The following HERC6 variants were observed in gnomAD, a reference collection of about 807,000 sequenced individuals.
The protein encoded by HERC6 is probable E3 ubiquitin-protein ligase HERC6.
Under a neutral mutation model 114.5 loss-of-function variants are expected in HERC6, and 101 were observed. That is an observed-to-expected ratio of 0.88 (90% confidence interval 0.75 to 1.04). The LOEUF (loss-of-function observed/expected upper bound fraction) is 1.04. Among genes scored for constraint, HERC6 ranks in the 50% least tolerant of loss-of-function variants. HERC6 has a pLI of 0.00. For missense variants in HERC6, 1,133 were observed against 1,230.9 expected (o/e 0.92, Z 1.19); for synonymous variants, 408 against 436.2 (o/e 0.94, Z 0.81).
At chr4:88,418,619 A>T (rs2148924571) in intron 13 of HERC6, among the ~76,000 whole-genome samples, 1 of 152,334 alleles carries the variant, frequency 6.6e-6, no homozygotes, top group East Asian at 1.9e-4. Flanking sequence ...TCAGCTGGGC[A>T]CCGTGGCCTT....
intron 12 of HERC6, among the ~76,000 whole-genome samples, chr4:88,415,067 T>G (rs1736360644): frequency 6.6e-6 from 1 of 152,174 alleles, no homozygotes; most frequent in Non-Finnish European, 1.5e-5. Flanking sequence ...TACAATGAAA[T>G]GTAAGCCACC....
intron 3 of HERC6, among the ~76,000 whole-genome samples, chr4:88,387,191 G>A (rs989257144): frequency 4.6e-5 from 7 of 152,186 alleles, no homozygotes; most frequent in African/African-American, 1.7e-4. Flanking sequence ...GAGGCCAGGA[G>A]TTTGAGACCA....
chr4:88,386,199 CTTTTTTT>C (rs1262540915), intron 3 of HERC6, among the ~76,000 whole-genome samples: 1 of 131,940 alleles, frequency 7.6e-6, no homozygotes, highest in Non-Finnish European at 1.6e-5. Flanking sequence ...TTTTTCTTTT[CTTTTTTT>C]TTTTTTTTTT....
intron 17 of HERC6, among the ~76,000 whole-genome samples, chr4:88,431,723 G>A (rs1456325400): frequency 6.6e-6 from 1 of 152,166 alleles, no homozygotes; most frequent in Non-Finnish European, 1.5e-5. Context: ...TGAGACTACA[G>A]GCGTATGTCA....
chr4:88,387,438 T>C lies in HERC6; in HGVS notation c.436+1863T>C, dbSNP rs180743309. ...GAAAACAGGAGCAGGGTATGATTTA[T>C]ATCCTCATTTCAGAAATGGAAAAAA... On this transcript the variant is annotated intron_variant, in intron 3 of 22. Coordinates refer to ENST00000264346, the MANE Select transcript of HERC6 (RefSeq NM_017912.4). 6.7e-3 allele frequency among the ~76,000 whole-genome samples: 1,014 copies of C among 152,322 alleles called. 18 individuals are homozygous for C. The highest frequency in any genetic ancestry group is 0.023 in the African/African-American group (968 of 41,574).
At chr4:88,381,667 T>G (rs112645412) in intron 1 of HERC6, among the ~76,000 whole-genome samples, 1,894 of 151,698 alleles carry the variant, frequency 0.012, 10 homozygotes, top group Admixed American at 0.019. Flanking sequence ...AAACGGTTCT[T>G]CTGCCTCAGC....
intron 15 of HERC6, among the ~76,000 whole-genome samples, chr4:88,427,415 C>T (rs1172640407): frequency 1.3e-5 from 2 of 151,804 alleles, no homozygotes; most frequent in Non-Finnish European, 2.9e-5. Flanking sequence ...ACATGTTGCT[C>T]AGTAGTCAGT....
At chr4:88,441,154 G>A (rs953796709) in intron 22 of HERC6, among the ~76,000 whole-genome samples, 1 of 151,654 alleles carries the variant, frequency 6.6e-6, no homozygotes, top group Non-Finnish European at 1.5e-5. Context: ...TTTATCTCAT[G>A]TTCCTATCTT....
Position 88,378,946 on chromosome 4 carries a change from T to A in HERC6, c.25T>A (p.Ser9Thr). Reference protein sequence around the residue: MYFCWGADSRELQRRRTAG... With the variant: MYFCWGADTRELQRRRTAG... ...GATGTACTTCTGTTGGGGCGCCGAC[T>A]CCAGGGAGCTGCAGCGCCGGAGGAC... The change falls in exon 1 of 23, where the codon TCC (serine) becomes ACC (threonine). Residue 9 changes from serine (S) to threonine (T), a missense_variant. Physicochemically the swap from Ser to Thr is moderately conservative, Grantham distance 58. This residue lies in a region of HERC6 where 735 missense variants were observed against 754.0 expected (regional missense o/e 0.97). Transcript: ENST00000264346. 1 of 1,595,014 alleles carries A rather than the reference T, an allele frequency of 6.3e-7. No homozygotes were observed. The highest frequency in any genetic ancestry group is 1.1e-5 in the South Asian group (1 of 88,078).
At chr4:88,429,950 G>T (rs575050025) in intron 16 of HERC6, among the ~76,000 whole-genome samples, 71 of 152,266 alleles carry the variant, frequency 4.7e-4, no homozygotes, top group African/African-American at 1.6e-3. Context: ...GGTTGTCAGG[G>T]CCCATCATGA....
At position 88,388,316 on chromosome 4, in the gene HERC6, C is replaced by T. The variant is rs571823882; in HGVS notation, c.437-2336C>T. Among the ~76,000 whole-genome samples, 11 of 151,976 alleles carry T rather than the reference C, an allele frequency of 7.2e-5. No homozygotes were observed. In the South Asian group the frequency reaches 8.3e-4, roughly 11 times the overall value. ...CTGTAATCCCAGGACTTTAGGAAGC[C>T]GAGGTGGGTGGATCACCTGAGGTCA... On this transcript the variant is annotated intron_variant, in intron 3 of 22. Transcript: ENST00000264346.
intron 1 of HERC6, 83 bp downstream of exon 1, chr4:88,379,203 G>C (rs1734030660): frequency 3.4e-6 from 4 of 1,180,978 alleles, no homozygotes; most frequent in Admixed American, 2.8e-5. Context: ...AGGGAACCGG[G>C]TGCGGAGCGC....
chr4:88,428,383 T>C (rs1487132933), intron 15 of HERC6, among the ~76,000 whole-genome samples, 197 bp from the exon 16 acceptor site: 4 of 152,208 alleles, frequency 2.6e-5, no homozygotes, highest in Non-Finnish European at 5.9e-5. Context: ...AACCATAGTT[T>C]CTTTGGTCCT....
Position 88,396,007 on chromosome 4 carries a change from C to A in HERC6, c.760-8C>A. ...TGAAATTAATTTGATTCTTCCTTTG[C>A]TAAGCAGGACGGGAAAGTGTTCACA... On this transcript the variant is annotated splice_polypyrimidine_tract_variant and splice_region_variant and intron_variant, in intron 5 of 22. Coordinates refer to ENST00000264346, the MANE Select transcript of HERC6 (RefSeq NM_017912.4). The A allele has an allele frequency of 2.5e-6, 4 of 1,574,816 alleles. No homozygotes were observed. Among genetic ancestry groups the A allele is most frequent in the Non-Finnish European group, 2.6e-6 (3 of 1,162,782 alleles).
At chr4:88,379,667 A>AC (rs1734062033) in intron 1 of HERC6, among the ~76,000 whole-genome samples, 1 of 99,172 alleles carries the variant, frequency 1.0e-5, no homozygotes, top group African/African-American at 4.6e-5. Flanking sequence ...ATAAATATAT[A>AC]TAATATATAA....
In HERC6 at chr4:88,386,098, T is replaced by A. The variant is rs1296097237; in HGVS notation, c.436+523T>A. Among the ~76,000 whole-genome samples, 15 of 152,140 alleles carry A rather than the reference T, an allele frequency of 9.9e-5. 1 individual carries two copies. Among genetic ancestry groups the A allele is most frequent in the Admixed American group, 9.8e-4 (15 of 15,274 alleles). On this transcript the variant is annotated intron_variant, in intron 3 of 22. Coordinates refer to ENST00000264346, the MANE Select transcript of HERC6 (RefSeq NM_017912.4). ...TGGAGAGTCTGAAGGAGGAAAAATTTTTCCTCTACCCTCTTATGCGTAGTC... is the reference window on the plus strand; with the variant it reads ...TGGAGAGTCTGAAGGAGGAAAAATTATTCCTCTACCCTCTTATGCGTAGTC...
chr4:88,435,921 G>GT, intron 18 of HERC6, 30 bp downstream of exon 18: 1 of 1,521,090 alleles, frequency 6.6e-7, no homozygotes, highest in Non-Finnish European at 8.9e-7. Context: ...TTTCAGGACC[G>GT]TATCTAGTAA....
At chr4:88,383,196 G>C in intron 1 of HERC6, 25 bp from the exon 2 acceptor site, 1 of 1,603,868 alleles carries the variant, frequency 6.2e-7, no homozygotes, top group South Asian at 1.1e-5. Context: ...GGTGGTTGGG[G>C]GGTGTTTTGT....
chr4:88,424,516 A>G, intron 14 of HERC6, 79 bp from the exon 15 acceptor site: 1 of 1,065,506 alleles, frequency 9.4e-7, no homozygotes, highest in Non-Finnish European at 1.4e-6. Context: ...ATTCCAAAAA[A>G]AAGGCGATAA....
Sources: gnomAD v4.1 joint callset for allele counts (sites outside exome capture counted in the v4.1 genomes callset) on GRCh38, gnomAD v4.1.1 for gene constraint, gnomAD v4.1.1 regional missense constraint, MANE v1.5 for transcripts, NCBI Gene and HGNC (gene_info 2026-07-23, HGNC 2026-07-21) for gene names.